The following ZNF692 variants were observed in gnomAD, a reference collection of about 807,000 sequenced individuals.
ZNF692 encodes AICAR responsive element binding protein.
Under a neutral mutation model 49.0 loss-of-function variants are expected in ZNF692, and 41 were observed. The observed-to-expected ratio is 0.84, with a 90% CI of 0.65 to 1.08. The LOEUF (loss-of-function observed/expected upper bound fraction) is 1.08, where lower values mean the gene tolerates loss of function less well. Among genes scored for constraint, ZNF692 ranks in the 50% least tolerant of loss-of-function variants. The pLI is 0.00. For missense variants in ZNF692, 662 were observed against 662.2 expected (o/e 1.00, Z 0.00); for synonymous variants, 288 against 251.5 (o/e 1.15, Z -1.37).
rs1412664323 is a variant in ZNF692 at position 248,857,338 on chromosome 1, G to T, written c.371C>A (p.Pro124His). The T allele has an allele frequency of 6.2e-7, 1 of 1,613,984 alleles. No homozygotes were observed. Among genetic ancestry groups the T allele is most frequent in the Non-Finnish European group, 8.5e-7 (1 of 1,180,008 alleles). The part of the protein sequence containing the change: ...CSAGHTFSWG[P>H]SLSPTPSEAP... ...CTCTGAAGGTGTAGGGCTCAAAGAG[G>T]GTCCCCAGGAGAAGGTATGGCCTGC... Residue 124 changes from proline (P) to histidine (H), a missense_variant, in exon 4 of 12, where the codon CCC (proline) becomes CAC (histidine). By Grantham distance (77) the Pro-to-His change is moderately conservative. Coordinates refer to ENST00000306601, the MANE Select transcript of ZNF692 (RefSeq NM_017865.4).
chr1:248,857,910 A>T, intron 2 of ZNF692, 51 bp from the exon 3 acceptor site: 1 of 1,605,688 alleles, frequency 6.2e-7, no homozygotes. Context: ...AGCCACCCTC[A>T]GCCCTGGGCA....
At position 248,850,367 on chromosome 1, in the gene ZNF692, C is replaced by G; in HGVS notation, c.1403G>C (p.Ser468Thr). 6.2e-7 allele frequency: 1 copy of G among 1,614,108 alleles called. No homozygotes were observed. ...TAGAAGCAGGGCTGGGTGACTTTTG[C>G]TACGGTGGGCTGCAACACTGTCTGG... ...EKPDSVAAHRSKSHPALLLAP... is the reference protein window; with the variant it reads ...EKPDSVAAHRTKSHPALLLAP... The change falls in exon 12 of 12, where the codon AGC (serine) becomes ACC (threonine). Residue 468 changes from serine (S) to threonine (T), a missense_variant. By Grantham distance (58) the Ser-to-Thr change is moderately conservative (BLOSUM62 1). Transcript: ENST00000306601.
chr1:248,854,062 A>T lies in ZNF692; in HGVS notation c.1039-11T>A. The T allele has an allele frequency of 6.2e-7, 1 of 1,608,850 alleles. No individual in the cohort carries two copies. Among genetic ancestry groups the T allele is most frequent in the Non-Finnish European group, 8.5e-7 (1 of 1,175,278 alleles). On this transcript the variant is annotated splice_polypyrimidine_tract_variant and intron_variant, in intron 9 of 11. Coordinates refer to ENST00000306601, the MANE Select transcript of ZNF692 (RefSeq NM_017865.4). ...GTACTTTTTGTGGTGCTAGAGAAGG[A>T]AGTGGGTGGTAGGGAGAGAAGAGGC...
intron 3 of ZNF692, 25 bp from the exon 4 acceptor site, chr1:248,857,522 G>T: frequency 3.8e-6 from 6 of 1,598,930 alleles, no homozygotes; most frequent in Non-Finnish European, 3.4e-6. Context: ...GAAGCAGTCA[G>T]GCTGAACTGG....
At position 248,850,431 on chromosome 1, in the gene ZNF692, G is replaced by T. The variant is rs764536582; in HGVS notation, c.1339C>A (p.Arg447Ser). The T allele has an allele frequency of 6.2e-7, 1 of 1,614,042 alleles. No individual in the cohort carries two copies. Among genetic ancestry groups the T allele is most frequent in the Non-Finnish European group, 8.5e-7 (1 of 1,180,008 alleles). ...RKHAETVAAL[R>S]FPCEFCGKRF... ...TTGCCGCAGAATTCACAGGGGAAGCGCAAGGCAGCCACCGTCTCTGCATGC... is the reference window on the plus strand; with the variant it reads ...TTGCCGCAGAATTCACAGGGGAAGCTCAAGGCAGCCACCGTCTCTGCATGC... The change falls in exon 12 of 12, where the codon CGC becomes AGC. Residue 447 changes from arginine to serine, a missense_variant. By Grantham distance (110) the Arg-to-Ser change is moderately radical (BLOSUM62 -1). Transcript: ENST00000306601.
chr1:248,858,471 C>G lies in ZNF692; in HGVS notation c.-12-150G>C. On this transcript the variant is annotated intron_variant, in intron 1 of 11. Coordinates refer to ENST00000306601, the MANE Select transcript of ZNF692 (RefSeq NM_017865.4). The surrounding 1 kb of genome is among the most constrained non-coding windows in gnomAD (Gnocchi z 4.3). Reference sequence around the variant, plus strand: ...AGCAGTGGCAGGTGTGGAGCCAAACCCCGTCCTTCTATGATACAGGGTGTT... The same window carrying G: ...AGCAGTGGCAGGTGTGGAGCCAAACGCCGTCCTTCTATGATACAGGGTGTT... 1 of 1,551,696 alleles carries G rather than the reference C, an allele frequency of 6.4e-7. No homozygotes were observed. Among genetic ancestry groups the G allele is most frequent in the South Asian group, 1.2e-5 (1 of 84,058 alleles).
chr1:248,853,485 A>G (rs764091588), intron 10 of ZNF692, among the ~76,000 whole-genome samples: 101 of 152,258 alleles, frequency 6.6e-4, no homozygotes, highest in Non-Finnish European at 1.3e-3. Context: ...TTCCTGGAAC[A>G]TGTCACCCAG....
intron 9 of ZNF692, chr1:248,854,299 C>T (rs1659962782): frequency 2.2e-6 from 1 of 448,524 alleles, no homozygotes; most frequent in Non-Finnish European, 4.1e-6. Flanking sequence ...GCTTTACTTC[C>T]ATTATCTCAC....
In ZNF692 at chr1:248,850,752, C is replaced by T. The variant is rs751034714; in HGVS notation, c.1183G>A (p.Ala395Thr). 1.1e-5 allele frequency: 17 copies of T among 1,613,976 alleles called. No individual in the cohort carries two copies. The Admixed American group carries it at 1.8e-4, about 17-fold the overall frequency. The change falls in exon 11 of 12, where the codon GCC (alanine) becomes ACC (threonine). Residue 395 changes from alanine (A) to threonine (T), a missense_variant. Ala to Thr is a moderately conservative substitution (Grantham distance 58, BLOSUM62 0). Transcript: ENST00000306601. ...TTGCTGCTAGTGCGGAAAGACCGGG[C>T]GCAGAACTCACAGATGTAGTCCCGG... Reference protein sequence around the residue: ...DTRDYICEFCARSFRTSSNLV... With the variant: ...DTRDYICEFCTRSFRTSSNLV...
At position 248,858,122 on chromosome 1, in the gene ZNF692, G is replaced by T; in HGVS notation, c.179+9C>A. 6.4e-7 allele frequency: 1 copy of T among 1,559,758 alleles called. No homozygotes were observed. The highest frequency in any genetic ancestry group is 8.7e-7 in the Non-Finnish European group (1 of 1,155,870). ...TACCCTCCCCCAAGCCCTTCTCCCG[G>T]CCCCTAACCGGTCCAACAGGAACTT... On this transcript the variant is annotated intron_variant, in intron 2 of 11. Coordinates refer to ENST00000306601, the MANE Select transcript of ZNF692 (RefSeq NM_017865.4). This position sits in a 1 kb window ranked among gnomAD's most constrained non-coding sequence, Gnocchi z 4.3.
In ZNF692 at chr1:248,858,488, C is replaced by T. The variant is rs778951254; in HGVS notation, c.-12-167G>A. 1 of 1,551,606 alleles carries T rather than the reference C, an allele frequency of 6.4e-7. No individual in the cohort carries two copies. Among genetic ancestry groups the T allele is most frequent in the Non-Finnish European group, 8.7e-7 (1 of 1,147,000 alleles). ...AGCCAAACCCCGTCCTTCTATGATA[C>T]AGGGTGTTGAAGCTCAGCGCTACCA... On this transcript the variant is annotated intron_variant, in intron 1 of 11. Coordinates refer to ENST00000306601, the MANE Select transcript of ZNF692 (RefSeq NM_017865.4). This position sits in a 1 kb window ranked among gnomAD's most constrained non-coding sequence, Gnocchi z 4.3.
Position 248,858,089 on chromosome 1 carries a change from T to A in ZNF692, c.179+42A>T. On this transcript the variant is annotated intron_variant, in intron 2 of 11. Transcript: ENST00000306601. The surrounding 1 kb of genome is among the most constrained non-coding windows in gnomAD (Gnocchi z 4.3). ...CCCTGGAGAGGAGGCTAGGGGCTGCTGCCTGGGTACCCTCCCCCAAGCCCT... is the reference window on the plus strand; with the variant it reads ...CCCTGGAGAGGAGGCTAGGGGCTGCAGCCTGGGTACCCTCCCCCAAGCCCT... 5 of 1,551,084 alleles carry A rather than the reference T, an allele frequency of 3.2e-6. No individual in the cohort carries two copies. Among genetic ancestry groups the A allele is most frequent in the Non-Finnish European group, 4.3e-6 (5 of 1,152,308 alleles).
chr1:248,855,404 G>T lies in ZNF692; in HGVS notation c.1014C>A (p.Ile338=), dbSNP rs917672388. 3.1e-6 allele frequency: 5 copies of T among 1,614,134 alleles called. No homozygotes were observed. Among genetic ancestry groups the T allele is most frequent in the Non-Finnish European group, 3.4e-6 (4 of 1,180,038 alleles). ...MPCDFPGCGR[I]FSNRQYLNHH... ...CATTCAAATACTGCCGGTTGGAGAA[G>T]ATCCTTCCACAGCCAGGGAAGTCAC... The change falls in exon 9 of 12, where the codon ATC becomes ATA. Residue 338 remains isoleucine, a synonymous_variant. Transcript: ENST00000306601.
chr1:248,856,393 G>A lies in ZNF692; in HGVS notation c.554C>T (p.Pro185Leu), dbSNP rs1660239237. ...CTCACCCTCTTCCTCTCCTGGAGGT[G>A]GGAAGGTCTCTGGTGGGGGTCCCAC... ...RRVGPPPETF[P>L]PPGEEEGEEE... The change falls in exon 6 of 12, where the codon CCA becomes CTA. Residue 185 changes from proline to leucine, a missense_variant. Coordinates refer to ENST00000306601, the MANE Select transcript of ZNF692 (RefSeq NM_017865.4). 1.2e-6 allele frequency: 2 copies of A among 1,613,058 alleles called. No homozygotes were observed. Among genetic ancestry groups the A allele is most frequent in the Non-Finnish European group, 1.7e-6 (2 of 1,179,350 alleles).
In ZNF692 at chr1:248,855,889, CT is replaced by C. The variant is rs1558256051; in HGVS notation, c.716del (p.Glu239GlyfsTer25). The C allele has an allele frequency of 6.2e-7, 1 of 1,614,154 alleles. No individual in the cohort carries two copies. Among genetic ancestry groups the C allele is most frequent in the Non-Finnish European group, 8.5e-7 (1 of 1,180,032 alleles). ...CTGCAGGGGCTGGTGGTGTCTCCCC[CT>C]CTTTAGGTGTGCAGGTGACAGGGGA... ...LPSPVTCTPK[E>X]GETPPAPAAL... On this transcript the variant is annotated frameshift_variant, in exon 7 of 12. Coordinates refer to ENST00000306601, the MANE Select transcript of ZNF692 (RefSeq NM_017865.4). LOFTEE classifies it high-confidence loss of function.
At position 248,850,236 on chromosome 1, in the gene ZNF692, C is replaced by T; in HGVS notation, c.1534G>A (p.Ala512Thr). Residue 512 changes from alanine to threonine, a missense_variant, in exon 12 of 12, where the codon GCT becomes ACT. Physicochemically the swap from Ala to Thr is moderately conservative, Grantham distance 58 (BLOSUM62 0). Coordinates refer to ENST00000306601, the MANE Select transcript of ZNF692 (RefSeq NM_017865.4). ...EGSRPSASPQ[A>T]PTLLPQQ ...CATTGCTGAGGAAGCAGGGTTGGAG[C>T]CTGAGGAGATGCAGAGGGCCTGGAC... 1 of 1,549,116 alleles carries T rather than the reference C, an allele frequency of 6.5e-7. No homozygotes were observed. The highest frequency in any genetic ancestry group is 2.3e-5 in the East Asian group (1 of 44,250).
chr1:248,855,683 C>T (rs1351212158), intron 7 of ZNF692, 42 bp downstream of exon 7: 9 of 1,614,042 alleles, frequency 5.6e-6, no homozygotes, highest in African/African-American at 1.3e-5. Context: ...AGGGCCACAT[C>T]CCAGGACGCC....
In ZNF692 at chr1:248,850,310, T is replaced by C. The variant is rs1285099475; in HGVS notation, c.1460A>G (p.Glu487Gly). ...AGGGGCAGAGATGCTGGGACAGGGC[T>C]CTAGGGGACCACTGGGTGACTCTTG... Reference protein sequence around the residue: ...APQESPSGPLEPCPSISAPGP... With the variant: ...APQESPSGPLGPCPSISAPGP... The change falls in exon 12 of 12, where the codon GAG (glutamate) becomes GGG (glycine). Residue 487 changes from glutamate (E) to glycine (G), a missense_variant. Physicochemically the swap from Glu to Gly is moderately conservative, Grantham distance 98. Transcript: ENST00000306601. 3 of 1,613,728 alleles carry C rather than the reference T, an allele frequency of 1.9e-6. No homozygotes were observed. Among genetic ancestry groups the C allele is most frequent in the African/African-American group, 2.7e-5 (2 of 75,052 alleles).
At chr1:248,851,641 C>T (rs1052449347) in intron 10 of ZNF692, among the ~76,000 whole-genome samples, 2 of 152,080 alleles carry the variant, frequency 1.3e-5, no homozygotes, top group Non-Finnish European at 2.9e-5. Flanking sequence ...TCCTGTCAGC[C>T]ACTACTCCTG....
Sources: allele counts gnomAD v4.1 joint callset (sites outside exome capture counted in the v4.1 genomes callset), GRCh38; gene constraint gnomAD v4.1.1; non-coding constraint Gnocchi (gnomAD v3.1); transcripts MANE v1.5; gene names NCBI Gene and HGNC (gene_info 2026-07-23, HGNC 2026-07-21).